Variants in GEMIN5 observed in about 807,000 individuals in gnomAD.
GEMIN5 encodes gem-associated protein 5.
Under a neutral mutation model 176.9 loss-of-function variants are expected in GEMIN5, and 124 were observed. The observed-to-expected ratio is 0.70, with a 90% CI of 0.61 to 0.81. The LOEUF is 0.81. Ranked by LOEUF, GEMIN5 falls within the 40% of genes least tolerant of loss-of-function variation. GEMIN5 has a pLI of 0.00. For missense variants in GEMIN5, 1,843 were observed against 1,814.6 expected, an observed-to-expected ratio of 1.02 and a Z score of -0.28; for synonymous variants, 673 against 665.2, an observed-to-expected ratio of 1.01 and a Z score of -0.18.
chr5:154,924,838 A>G (rs1763995528), intron 8 of GEMIN5, among the ~76,000 whole-genome samples: 1 of 152,012 alleles, frequency 6.6e-6, no homozygotes, highest in African/African-American at 2.4e-5. Context: ...AAATACAAAA[A>G]ATTAGCCAGG....
intron 21 of GEMIN5, among the ~76,000 whole-genome samples, 166 bp from the exon 22 acceptor site, chr5:154,899,476 T>C (rs769249071): frequency 1.4e-4 from 22 of 152,244 alleles, no homozygotes; most frequent in Admixed American, 2.6e-4. Context: ...AAACATATGC[T>C]GCATTCGTTT....
Position 154,905,402 on chromosome 5 carries a change from CTT to C in GEMIN5, c.2468_2469del (p.Lys823SerfsTer58). 3 of 1,607,160 alleles carry C rather than the reference CTT, an allele frequency of 1.9e-6. No homozygotes were observed. Among genetic ancestry groups the C allele is most frequent in the South Asian group, 1.1e-5 (1 of 89,998 alleles). ...GGTGGCTCCTTTTTCAGTAAAATGACTTTGTTATTAATGGTGACTTTTGACTT... is the reference window on the plus strand; with the variant it reads ...GGTGGCTCCTTTTTCAGTAAAATGACTGTTATTAATGGTGACTTTTGACTT... The part of the protein sequence containing the change: ...FEKSKVTINN[K>X]VILLKKEPPK... On this transcript the variant is annotated frameshift_variant, in exon 17 of 28. Transcript: ENST00000285873. LOFTEE classifies it high-confidence loss of function.
At chr5:154,921,466 C>A in intron 9 of GEMIN5, 41 bp from the exon 10 acceptor site, 2 of 873,332 alleles carry the variant, frequency 2.3e-6, no homozygotes, top group African/African-American at 1.7e-5. Context: ...GAGATTTAAA[C>A]AAAAAGGCAT....
Position 154,898,784 on chromosome 5 carries a change from G to C in GEMIN5, c.3135-134C>G, listed in dbSNP as rs1034986161. 1.6e-5 allele frequency: 12 copies of C among 731,472 alleles called. No individual in the cohort carries two copies. In the East Asian group the frequency reaches 2.9e-4, roughly 18 times the overall value. The allele number at this position is 731,472 out of a possible 1,614,324, so 45.3% of individuals were successfully genotyped here. A position where few individuals can be genotyped will look rare whatever the true frequency, so the allele number is the denominator to read the frequency against. On this transcript the variant is annotated intron_variant, in intron 22 of 27. Transcript: ENST00000285873. ...GTGGTCCCAGGTATGTCACTGCCCC[G>C]GTTGTTCCTGTGAAGGCTGAGGCCA...
chr5:154,917,760 T>C (rs1481544724), intron 12 of GEMIN5, among the ~76,000 whole-genome samples, 171 bp downstream of exon 12: 2 of 152,206 alleles, frequency 1.3e-5, no homozygotes, highest in African/African-American at 4.8e-5. Flanking sequence ...AATAATTCTG[T>C]AGTTCTCAAA....
rs766096240 is a variant in GEMIN5 at position 154,918,025 on chromosome 5, A to G, written c.1600-21T>C. The G allele has an allele frequency of 4.7e-6, 7 of 1,501,446 alleles. No individual in the cohort carries two copies. The Admixed American group carries it at 1.2e-4, about 25-fold the overall frequency. 93.0% of individuals were successfully genotyped at this position (1,501,446 alleles called of 1,614,324 possible). The stretch of plus-strand genomic sequence containing the variant: ...TTGTACTAGAAAGCAAAACAAACCA[A>G]TCTTGACTATATACATATCTCACAA... On this transcript the variant is annotated intron_variant, in intron 11 of 27. Coordinates refer to ENST00000285873, the MANE Select transcript of GEMIN5 (RefSeq NM_015465.5).
At chr5:154,932,691 G>A (rs973345022) in intron 3 of GEMIN5, among the ~76,000 whole-genome samples, 3 of 152,164 alleles carry the variant, frequency 2.0e-5, no homozygotes, top group African/African-American at 7.2e-5. Flanking sequence ...GCCTGGGACT[G>A]AGTAGCTGGG....
intron 13 of GEMIN5, among the ~76,000 whole-genome samples, chr5:154,914,469 T>C (rs912259927): frequency 2.0e-5 from 3 of 151,046 alleles, no homozygotes; most frequent in South Asian, 2.1e-4. Context: ...TTGGATCAAC[T>C]GACACAACTA....
At chr5:154,921,919 T>A (rs1049479417) in intron 9 of GEMIN5, among the ~76,000 whole-genome samples, 2 of 152,222 alleles carry the variant, frequency 1.3e-5, no homozygotes, top group Non-Finnish European at 2.9e-5. Flanking sequence ...GTGGTAATGA[T>A]ATGTGATGTG....
intron 14 of GEMIN5, among the ~76,000 whole-genome samples, chr5:154,912,161 C>T (rs1470399442): frequency 6.6e-6 from 1 of 152,206 alleles, no homozygotes; most frequent in Non-Finnish European, 1.5e-5. Context: ...ATGGATTTCA[C>T]TGTCTCGAAC....
intron 10 of GEMIN5, 148 bp downstream of exon 10, chr5:154,921,195 T>C (rs190134132): frequency 7.0e-6 from 4 of 573,234 alleles, no homozygotes; most frequent in Admixed American, 7.3e-5. Flanking sequence ...CTGCCACTAC[T>C]GTCTTCATGA....
chr5:154,914,727 G>A (rs186554691), intron 13 of GEMIN5, among the ~76,000 whole-genome samples: 58 of 152,150 alleles, frequency 3.8e-4, no homozygotes, highest in African/African-American at 1.4e-3. Context: ...TTATAGGCAT[G>A]AGCCACCACA....
At chr5:154,904,739 G>A in intron 17 of GEMIN5, 110 bp from the exon 18 acceptor site, 1 of 745,038 alleles carries the variant, frequency 1.3e-6, no homozygotes, top group Non-Finnish European at 2.3e-6. Context: ...CACAGGCAGA[G>A]AAAGCTCCTC....
At chr5:154,927,621 T>A in intron 6 of GEMIN5, 71 bp from the exon 7 acceptor site, 1 of 1,148,068 alleles carries the variant, frequency 8.7e-7, no homozygotes, top group Non-Finnish European at 1.3e-6. Context: ...TGAGACAGAG[T>A]CTGGGCTCAT....
In GEMIN5 at chr5:154,933,404, A is replaced by G. The variant is rs139885199; in HGVS notation, c.510-1154T>C. On this transcript the variant is annotated intron_variant, in intron 3 of 27. Coordinates refer to ENST00000285873, the MANE Select transcript of GEMIN5 (RefSeq NM_015465.5). ...ACTCTAGTTCCTGGCCAGTCATTAC[A>G]CTATTGTATTAGTACTGCACTGTGT... Among the ~76,000 whole-genome samples the G allele has an allele frequency of 1.6e-3, 248 of 152,274 alleles. 8 individuals carry two copies. In the East Asian group the frequency reaches 0.043, roughly 27 times the overall value.
At chr5:154,915,437 A>G (rs1452851452) in intron 13 of GEMIN5, among the ~76,000 whole-genome samples, 1 of 152,212 alleles carries the variant, frequency 6.6e-6, no homozygotes, top group African/African-American at 2.4e-5. Flanking sequence ...TCTTCTGACC[A>G]CCTACTATGG....
At chr5:154,908,839 AG>A (rs1311224277) in intron 15 of GEMIN5, among the ~76,000 whole-genome samples, 1 of 152,250 alleles carries the variant, frequency 6.6e-6, no homozygotes, top group African/African-American at 2.4e-5. Context: ...ACTCCCTAAA[AG>A]GGTATTTCCC....
intron 13 of GEMIN5, among the ~76,000 whole-genome samples, chr5:154,914,313 G>A (rs1264645564): frequency 1.3e-5 from 2 of 151,732 alleles, no homozygotes; most frequent in African/African-American, 2.4e-5. Flanking sequence ...GAGCCACCAC[G>A]CCCGGCCTAA....
At chr5:154,937,894 T>C in intron 1 of GEMIN5, 74 bp downstream of exon 1, 1 of 1,305,360 alleles carries the variant, frequency 7.7e-7, no homozygotes, top group Non-Finnish European at 1.0e-6. Context: ...GAAAACGGGG[T>C]GGAGTCGTCC....
Sources: gnomAD v4.1 joint callset for allele counts (sites outside exome capture counted in the v4.1 genomes callset) on GRCh38, gnomAD v4.1.1 for gene constraint, MANE v1.5 for transcripts, NCBI Gene and HGNC (gene_info 2026-07-23, HGNC 2026-07-21) for gene names.